KCNQ3: variants seen among roughly 807,000 people sequenced by gnomAD.
KCNQ3 encodes potassium voltage-gated channel subfamily Q member 3.
Under a neutral mutation model 92.5 loss-of-function variants are expected in KCNQ3, and 30 were observed. The observed-to-expected ratio is 0.32, with a 90% CI of 0.24 to 0.44. The LOEUF (loss-of-function observed/expected upper bound fraction) is 0.44, where lower values mean the gene tolerates loss of function less well. Among genes scored for constraint, KCNQ3 ranks in the 20% least tolerant of loss-of-function variants. KCNQ3 has a pLI of 1.00. For synonymous variants in KCNQ3, 450 were observed against 468.8 expected, an observed-to-expected ratio of 0.96 and a Z score of 0.52; for missense variants, 913 against 1,140.3, an observed-to-expected ratio of 0.80 and a Z score of 2.87.
intron 1 of KCNQ3, among the ~76,000 whole-genome samples, chr8:132,202,826 A>C (rs1827503498): frequency 6.6e-6 from 1 of 152,146 alleles, no homozygotes; most frequent in Admixed American, 6.6e-5. Flanking sequence ...TGCTCTTCCA[A>C]ATTCTTGCAG....
At position 132,173,678 on chromosome 8, in the gene KCNQ3, G is replaced by T. The variant is rs1018395279; in HGVS notation, c.1044+561C>A. 3.3e-5 allele frequency among the ~76,000 whole-genome samples: 5 copies of T among 152,202 alleles called. No individual in the cohort carries two copies. In the East Asian group the frequency reaches 9.6e-4, roughly 29 times the overall value. Reference sequence around the variant, plus strand: ...TTGGCATGATTCAGGCACACAGTGAGTTCAACAAATGCAATCTGCTTTCAT... The same window carrying T: ...TTGGCATGATTCAGGCACACAGTGATTTCAACAAATGCAATCTGCTTTCAT... On this transcript the variant is annotated intron_variant, in intron 6 of 14. Transcript: ENST00000388996.
rs552368289 is a variant in KCNQ3 at position 132,403,903 on chromosome 8, GT to G, written c.386+76243del. 4.1e-4 allele frequency among the ~76,000 whole-genome samples: 63 copies of G among 152,318 alleles called. 1 individual carries two copies. Among genetic ancestry groups the G allele is most frequent in the Admixed American group, 2.1e-3 (32 of 15,300 alleles). ...CATGAAACATCCTGTAGCCTGTCTT[GT>G]TTTTAGCTACTAAGGCCTCACCAAG... On this transcript the variant is annotated intron_variant, in intron 1 of 14. Coordinates refer to ENST00000388996, the MANE Select transcript of KCNQ3 (RefSeq NM_004519.4).
chr8:132,183,237 G>A (rs1425026346), intron 3 of KCNQ3, among the ~76,000 whole-genome samples: 2 of 152,204 alleles, frequency 1.3e-5, no homozygotes, highest in African/African-American at 4.8e-5. Flanking sequence ...AGCCACTGAT[G>A]ACGTTGTTTC....
intron 11 of KCNQ3, among the ~76,000 whole-genome samples, chr8:132,138,721 A>G (rs568017350): frequency 6.6e-6 from 1 of 152,332 alleles, no homozygotes; most frequent in Admixed American, 6.5e-5. Flanking sequence ...ATCACAGGTC[A>G]GTGTCAGGAG....
chr8:132,129,728 A>G lies in KCNQ3; in HGVS notation c.2153T>C (p.Val718Ala). 1 of 1,614,156 alleles carries G rather than the reference A, an allele frequency of 6.2e-7. No individual in the cohort carries two copies. The highest frequency in any genetic ancestry group is 8.5e-7 in the Non-Finnish European group (1 of 1,180,024). ...ACTGGGTCCCCCTCGGGGCAGGTTCACAGGGTCATGTGCAAAAAACCCATA... is the reference window on the plus strand; with the variant it reads ...ACTGGGTCCCCCTCGGGGCAGGTTCGCAGGGTCATGTGCAAAAAACCCATA... ...SPYGFFAHDP[V>A]NLPRGGPSSG... is the part of the protein sequence containing the mutation. The change falls in exon 15 of 15, where the codon GTG (valine) becomes GCG (alanine). Residue 718 changes from valine (V) to alanine (A), a missense_variant. By Grantham distance (64) the Val-to-Ala change is moderately conservative (BLOSUM62 0). Around this residue, in one of 6 missense-constraint regions of KCNQ3, gnomAD observed 375 missense variants for 376.4 expected, o/e 1.00. Transcript: ENST00000388996. This position sits in a 1 kb window ranked among gnomAD's most constrained non-coding sequence, Gnocchi z 5.9.
intron 1 of KCNQ3, among the ~76,000 whole-genome samples, chr8:132,408,427 T>G (rs778939889): frequency 2.6e-5 from 4 of 152,168 alleles, no homozygotes; most frequent in Non-Finnish European, 5.9e-5. Flanking sequence ...TGTTCGACTC[T>G]CTACCTGATG....
chr8:132,225,239 T>C (rs1814372911), intron 1 of KCNQ3, among the ~76,000 whole-genome samples: 1 of 152,158 alleles, frequency 6.6e-6, no homozygotes, highest in Non-Finnish European at 1.5e-5. Context: ...ATAAGACCAA[T>C]ACAAAAGTAG....
chr8:132,283,334 T>G (rs975000881), intron 1 of KCNQ3, among the ~76,000 whole-genome samples: 1 of 152,110 alleles, frequency 6.6e-6, no homozygotes. Flanking sequence ...CAGCAAAGTA[T>G]TGCATGAAAA....
chr8:132,185,725 G>A (rs1198334423), intron 2 of KCNQ3, among the ~76,000 whole-genome samples: 1 of 152,214 alleles, frequency 6.6e-6, no homozygotes, highest in Non-Finnish European at 1.5e-5. Flanking sequence ...AGTTTAGATT[G>A]TAGGATACCA....
intron 1 of KCNQ3, among the ~76,000 whole-genome samples, chr8:132,234,642 A>G (rs1384269012): frequency 6.6e-6 from 1 of 152,190 alleles, no homozygotes; most frequent in East Asian, 1.9e-4. Flanking sequence ...CAACAAACAC[A>G]CGAGGTAAGT....
chr8:132,396,992 G>C (rs866189335), intron 1 of KCNQ3, among the ~76,000 whole-genome samples: 3 of 151,990 alleles, frequency 2.0e-5, no homozygotes, highest in Non-Finnish European at 2.9e-5. Flanking sequence ...AAGAGAGAGA[G>C]AGAGAGAGAT....
intron 1 of KCNQ3, among the ~76,000 whole-genome samples, chr8:132,288,266 C>T (rs564433570): frequency 6.6e-6 from 1 of 152,338 alleles, no homozygotes; most frequent in Non-Finnish European, 1.5e-5. Context: ...CCCCCACAAA[C>T]ACTACATGAG....
At chr8:132,268,286 T>G (rs1465626308) in intron 1 of KCNQ3, among the ~76,000 whole-genome samples, 1 of 152,204 alleles carries the variant, frequency 6.6e-6, no homozygotes, top group Non-Finnish European at 1.5e-5. Flanking sequence ...TTTGTTTGTT[T>G]GTTTGAGATG....
intron 8 of KCNQ3, 118 bp downstream of exon 8, chr8:132,170,216 T>C (rs367718024): frequency 1.0e-5 from 8 of 775,030 alleles, no homozygotes; most frequent in Admixed American, 5.8e-5. Context: ...GCAGCCCAAA[T>C]TGGGGAACAT....
rs899640276 is a variant in KCNQ3, at chr8:132,215,798, T to A, written c.387-29617A>T. Among the ~76,000 whole-genome samples, 38 of 152,164 alleles carry A rather than the reference T, an allele frequency of 2.5e-4. 1 individual carries two copies. The highest frequency in any genetic ancestry group is 2.0e-3 in the Admixed American group (30 of 15,284). ...GGCTTCCCTGCCCTGGGTGGGTAAT[T>A]CATGTTCCAGAGTTCCCCTGTGGGC... On this transcript the variant is annotated intron_variant, in intron 1 of 14. Transcript: ENST00000388996.
intron 1 of KCNQ3, among the ~76,000 whole-genome samples, chr8:132,346,100 A>G (rs1174407186): frequency 6.6e-6 from 1 of 152,112 alleles, no homozygotes; most frequent in African/African-American, 2.4e-5. Context: ...GATGATGATG[A>G]TGGTGATAAT....
intron 8 of KCNQ3, among the ~76,000 whole-genome samples, chr8:132,163,904 T>C (rs979338886): frequency 1.3e-5 from 2 of 152,184 alleles, no homozygotes; most frequent in South Asian, 2.1e-4. Flanking sequence ...ATAGCGAACA[T>C]TGTCTTAACT....
chr8:132,196,308 T>C (rs1827295992), intron 1 of KCNQ3, among the ~76,000 whole-genome samples: 1 of 152,220 alleles, frequency 6.6e-6, no homozygotes. Context: ...CATTGTCCCC[T>C]AGGAGCTAAT....
In KCNQ3 at chr8:132,127,699, T is replaced by C. The variant is rs1347617547; in HGVS notation, c.*1563A>G. 6.6e-6 allele frequency: 1 copy of C among 152,158 alleles called. No homozygotes were observed. The allele number at this position is 152,158 out of a possible 1,614,324, so 9.4% of individuals were successfully genotyped here. The stretch of plus-strand genomic sequence containing the variant: ...GTGTGTGAGAAGAGTGATACAATAA[T>C]ACTGTGGCATGGTCATTTAGCTAAT... On this transcript the variant is annotated 3_prime_UTR_variant, in exon 15 of 15. Coordinates refer to ENST00000388996, the MANE Select transcript of KCNQ3 (RefSeq NM_004519.4).
Sources: allele counts gnomAD v4.1 joint callset (sites outside exome capture counted in the v4.1 genomes callset), GRCh38; gene constraint gnomAD v4.1.1; regional missense constraint gnomAD v4.1.1; non-coding constraint Gnocchi (gnomAD v3.1); transcripts MANE v1.5; gene names NCBI Gene and HGNC (gene_info 2026-07-23, HGNC 2026-07-21).